Variants in LRRC7 observed in about 807,000 individuals in gnomAD.
LRRC7 encodes the protein leucine rich repeat containing 7.
Under a neutral mutation model 175.7 loss-of-function variants are expected in LRRC7, and 23 were observed. The observed-to-expected ratio is 0.13, with a 90% CI of 0.09 to 0.19. LRRC7 has a LOEUF of 0.19. Ranked by LOEUF, LRRC7 falls within the 10% of genes least tolerant of loss-of-function variation. The pLI is 1.00. For missense variants in LRRC7, 1,354 were observed against 1,904.7 expected (o/e 0.71, Z 5.38); for synonymous variants, 685 against 680.9 (o/e 1.01, Z -0.09).
chr1:69,882,875 G>C lies in LRRC7; in HGVS notation c.647+44592G>C, dbSNP rs551827699. ...GAGAATATGCGGTGTTTGGTTTTTT[G>C]TTCTTGCGATAGTTTACTGAGAATG... On this transcript the variant is annotated intron_variant, in intron 7 of 26. Coordinates refer to ENST00000651989, the MANE Select transcript of LRRC7 (RefSeq NM_001370785.2). 1.9e-4 allele frequency among the ~76,000 whole-genome samples: 28 copies of C among 149,950 alleles called. 1 individual carries two copies. The South Asian group carries it at 3.4e-3, about 18-fold the overall frequency.
At chr1:69,890,134 G>T (rs911390056) in intron 7 of LRRC7, among the ~76,000 whole-genome samples, 4 of 152,144 alleles carry the variant, frequency 2.6e-5, no homozygotes, top group African/African-American at 9.7e-5. Context: ...CTAGAATGGT[G>T]AATCCTCTCC....
intron 13 of LRRC7, 57 bp downstream of exon 13, chr1:70,013,146 G>C: frequency 9.7e-7 from 1 of 1,035,106 alleles, no homozygotes; most frequent in Non-Finnish European, 1.4e-6. Context: ...GCAAATTATA[G>C]TTTTTTTGCC....
chr1:69,666,704 C>T (rs1215476294), intron 1 of LRRC7, among the ~76,000 whole-genome samples: 1 of 151,526 alleles, frequency 6.6e-6, no homozygotes, highest in Non-Finnish European at 1.5e-5. Context: ...AGTCTTCTCC[C>T]CCTTTTTACT....
intron 22 of LRRC7, among the ~76,000 whole-genome samples, chr1:70,046,428 C>T (rs758032544): frequency 3.9e-5 from 6 of 152,010 alleles, no homozygotes; most frequent in Non-Finnish European, 7.4e-5. Flanking sequence ...TTGGAAGCTA[C>T]ATTAATTGCA....
intron 2 of LRRC7, among the ~76,000 whole-genome samples, chr1:69,679,939 A>G (rs1660260830): frequency 6.6e-6 from 1 of 152,106 alleles, no homozygotes; most frequent in Non-Finnish European, 1.5e-5. Flanking sequence ...CACAGCCATC[A>G]TTTATTTATT....
chr1:70,008,304 C>A (rs556652764), intron 11 of LRRC7, among the ~76,000 whole-genome samples: 42 of 152,208 alleles, frequency 2.8e-4, no homozygotes, highest in Non-Finnish European at 5.4e-4. Flanking sequence ...CTCCAGCCCA[C>A]TGACTCAAAT....
intron 1 of LRRC7, among the ~76,000 whole-genome samples, chr1:69,667,047 A>G (rs1365387399): frequency 6.6e-6 from 1 of 151,800 alleles, no homozygotes. Flanking sequence ...TTCCTCCTTA[A>G]CTTCTTCATT....
At position 69,916,065 on chromosome 1, in the gene LRRC7, T is replaced by TATATATATATAATATATATA. The variant is rs1467560622; in HGVS notation, c.648-15442_648-15441insATATATATATAATATATATA. ...TTATATATATATTTTATATGTATAT[T>TATATATATATAATATATATA]TTATATATATAATATATATATTATA... On this transcript the variant is annotated intron_variant, in intron 7 of 26. Transcript: ENST00000651989. Among the ~76,000 whole-genome samples the TATATATATATAATATATATA allele has an allele frequency of 7.0e-5, 9 of 127,946 alleles. 1 individual carries two copies. Among genetic ancestry groups the TATATATATATAATATATATA allele is most frequent in the African/African-American group, 2.7e-4 (9 of 33,660 alleles). 83.9% of individuals were successfully genotyped at this position (127,946 alleles called of 152,430 possible).
chr1:70,121,697 C>A, intron 26 of LRRC7, 83 bp from the exon 27 acceptor site: 2 of 862,512 alleles, frequency 2.3e-6, no homozygotes, highest in Non-Finnish European at 3.6e-6. Context: ...TTGCTCAGTG[C>A]TCCCGTGAAT....
At chr1:69,699,357 T>C (rs147481377) in intron 2 of LRRC7, among the ~76,000 whole-genome samples, 230 of 152,138 alleles carry the variant, frequency 1.5e-3, no homozygotes, top group African/African-American at 5.0e-3. Context: ...CTGGCCAACA[T>C]GGTGAAACCC....
chr1:69,683,555 G>A (rs1660756606), intron 2 of LRRC7, among the ~76,000 whole-genome samples: 1 of 152,018 alleles, frequency 6.6e-6, no homozygotes, highest in African/African-American at 2.4e-5. Context: ...ATCATATTCA[G>A]TGATAAGAGA....
chr1:69,914,319 T>C (rs1005150663), intron 7 of LRRC7, among the ~76,000 whole-genome samples: 4 of 152,156 alleles, frequency 2.6e-5, no homozygotes, highest in Non-Finnish European at 5.9e-5. Flanking sequence ...CTGAATCTAA[T>C]AGAAAGAAAA....
chr1:69,787,700 C>G lies in LRRC7; in HGVS notation c.304-4343C>G, dbSNP rs571476013. On this transcript the variant is annotated intron_variant, in intron 3 of 26. Transcript: ENST00000651989. ...TGGTGGGAGAGGCTGCCGCAAAGGT[C>G]TCCGACATGCCCTGAAGACACTTTC... Among the ~76,000 whole-genome samples, 7 of 152,264 alleles carry G rather than the reference C, an allele frequency of 4.6e-5. No individual in the cohort carries two copies. The South Asian group carries it at 6.2e-4, about 14-fold the overall frequency.
chr1:69,606,303 A>C (rs898395992), intron 1 of LRRC7, among the ~76,000 whole-genome samples: 4 of 152,152 alleles, frequency 2.6e-5, no homozygotes, highest in Admixed American at 6.6e-5. Context: ...TCTAATTATG[A>C]TGTCATACAT....
At chr1:69,973,732 G>C (rs895124282) in intron 8 of LRRC7, among the ~76,000 whole-genome samples, 1 of 151,996 alleles carries the variant, frequency 6.6e-6, no homozygotes, top group African/African-American at 2.4e-5. Context: ...ATTACAGGCA[G>C]GTAACACCAA....
At chr1:70,110,104 A>G (rs573164512) in intron 26 of LRRC7, among the ~76,000 whole-genome samples, 1 of 152,346 alleles carries the variant, frequency 6.6e-6, no homozygotes, top group Admixed American at 6.5e-5. Flanking sequence ...GTCAGGCCAG[A>G]CATGATGGCT....
chr1:69,698,608 T>TC (rs1662926117), intron 2 of LRRC7, among the ~76,000 whole-genome samples: 1 of 152,232 alleles, frequency 6.6e-6, no homozygotes, highest in South Asian at 2.1e-4. Flanking sequence ...GCAACCAGGC[T>TC]CATGGCATTC....
At chr1:69,795,103 C>A (rs2101071256) in intron 4 of LRRC7, among the ~76,000 whole-genome samples, 1 of 152,276 alleles carries the variant, frequency 6.6e-6, no homozygotes, top group African/African-American at 2.4e-5. Context: ...CTGTCACTGC[C>A]TGGCGCAGTG....
At chr1:69,723,354 AG>A (rs1346577328) in intron 2 of LRRC7, among the ~76,000 whole-genome samples, 8 of 152,158 alleles carry the variant, frequency 5.3e-5, no homozygotes, top group Non-Finnish European at 1.0e-4. Context: ...AACGGAAAGC[AG>A]CACACCTTCA....
Sources: gnomAD v4.1 joint callset for allele counts (sites outside exome capture counted in the v4.1 genomes callset) on GRCh38, gnomAD v4.1.1 for gene constraint, MANE v1.5 for transcripts, NCBI Gene and HGNC (gene_info 2026-07-23, HGNC 2026-07-21) for gene names.